Variants in DAPK2 observed in about 807,000 individuals in gnomAD.
DAPK2 encodes the protein death associated protein kinase 2.
A neutral mutation model predicts 44.1 loss-of-function variants in DAPK2; 35 were observed. That is an observed-to-expected ratio of 0.79 (90% CI 0.61 to 1.05). DAPK2 has a LOEUF of 1.05. Among genes scored for constraint, DAPK2 ranks in the 50% least tolerant of loss-of-function variants. The pLI, the probability that DAPK2 is intolerant of heterozygous loss-of-function variation, is 0.00. For synonymous variants in DAPK2, 174 were observed against 182.6 expected (o/e 0.95, Z 0.38); for missense variants, 453 against 483.2 (o/e 0.94, Z 0.59).
chr15:64,010,071 T>A (rs117809818), intron 1 of DAPK2, among the ~76,000 whole-genome samples: 4,495 of 152,268 alleles, frequency 0.03, 93 homozygotes, highest in South Asian at 0.065. Flanking sequence ...TATAAACCAG[T>A]GTTTCTCAAA....
At chr15:64,045,602 A>C (rs1042073880) in intron 1 of DAPK2, among the ~76,000 whole-genome samples, 2 of 152,150 alleles carry the variant, frequency 1.3e-5, no homozygotes, top group Non-Finnish European at 2.9e-5. Context: ...ACCTCTCTGG[A>C]CCTTGTTTTC....
intron 3 of DAPK2, among the ~76,000 whole-genome samples, chr15:63,962,405 C>T (rs897427518): frequency 2.0e-5 from 3 of 152,218 alleles, no homozygotes; most frequent in Non-Finnish European, 4.4e-5. Flanking sequence ...GAGCTGCGTT[C>T]CTTTGGAGGA....
intron 1 of DAPK2, among the ~76,000 whole-genome samples, chr15:64,017,919 A>G (rs912970476): frequency 6.6e-6 from 1 of 152,206 alleles, no homozygotes; most frequent in Non-Finnish European, 1.5e-5. Context: ...AACCTGCTCC[A>G]TAAAATTGCA....
intron 3 of DAPK2, among the ~76,000 whole-genome samples, chr15:63,948,500 A>G (rs2077508641): frequency 6.6e-6 from 1 of 152,080 alleles, no homozygotes. Context: ...AGAACTCACT[A>G]TCATGAGAAC....
chr15:64,010,839 G>A (rs983532192), intron 1 of DAPK2, among the ~76,000 whole-genome samples: 3 of 152,122 alleles, frequency 2.0e-5, no homozygotes, highest in Non-Finnish European at 4.4e-5. Context: ...AACAGCAGCC[G>A]AGCTTCCTGT....
intron 1 of DAPK2, among the ~76,000 whole-genome samples, chr15:64,028,517 TA>T (rs1346687830): frequency 2.0e-5 from 3 of 152,152 alleles, no homozygotes; most frequent in African/African-American, 7.2e-5. Flanking sequence ...AAAACTGCTA[TA>T]AAGAACACTA....
At chr15:63,979,919 A>T (rs958489803) in intron 2 of DAPK2, among the ~76,000 whole-genome samples, 1 of 143,436 alleles carries the variant, frequency 7.0e-6, no homozygotes, top group African/African-American at 2.7e-5. Context: ...CATCTCAAAA[A>T]ACAAACAAAC....
chr15:63,932,164 T>TA (rs1192270288), intron 4 of DAPK2, among the ~76,000 whole-genome samples: 1,649 of 107,518 alleles, frequency 0.015, 118 homozygotes, highest in African/African-American at 0.04. Context: ...GAGACCCTGT[T>TA]TAAAAAAAAA....
intron 1 of DAPK2, among the ~76,000 whole-genome samples, chr15:64,031,231 A>AT (rs1302145104): frequency 6.7e-6 from 1 of 148,400 alleles, no homozygotes; most frequent in Admixed American, 6.7e-5. Flanking sequence ...AGGAGGGCAG[A>AT]TTTTCTTTTT....
At chr15:63,999,636 G>T (rs1305454754) in intron 1 of DAPK2, among the ~76,000 whole-genome samples, 3 of 152,106 alleles carry the variant, frequency 2.0e-5, no homozygotes, top group Non-Finnish European at 4.4e-5. Context: ...AAGTAAAAAT[G>T]AGATTGCATA....
At chr15:63,930,361 C>T (rs2079503473) in intron 5 of DAPK2, 46 bp downstream of exon 6, 1 of 1,592,246 alleles carries the variant, frequency 6.3e-7, no homozygotes, top group Non-Finnish European at 8.6e-7. Flanking sequence ...AGGCCTTCCG[C>T]CCTTGGAAGG....
intron 3 of DAPK2, among the ~76,000 whole-genome samples, chr15:63,962,549 T>C (rs1411682311): frequency 6.6e-6 from 1 of 152,252 alleles, no homozygotes; most frequent in East Asian, 1.9e-4. Context: ...TTCTTTCTGT[T>C]TGTTAGTTTT....
chr15:63,941,635 T>TA (rs943214572), intron 3 of DAPK2, among the ~76,000 whole-genome samples: 70 of 151,342 alleles, frequency 4.6e-4, no homozygotes, highest in African/African-American at 1.7e-3. Context: ...TTCCTTTTTT[T>TA]AAAAAAAATA....
chr15:64,002,633 T>A (rs531493628), intron 1 of DAPK2, among the ~76,000 whole-genome samples: 2 of 152,318 alleles, frequency 1.3e-5, no homozygotes, highest in Admixed American at 1.3e-4. Flanking sequence ...GAGGCTCACA[T>A]AGCAATGCAA....
intron 8 of DAPK2, chr15:63,921,270 G>T (rs529505348): frequency 2.0e-5 from 3 of 152,222 alleles, no homozygotes; most frequent in African/African-American, 7.2e-5. Context: ...GGAGCCTGGC[G>T]CAGCCAGGGG....
chr15:64,022,640 A>G (rs4776749), intron 1 of DAPK2, among the ~76,000 whole-genome samples: 23,142 of 152,114 alleles, frequency 0.15, 2,920 homozygotes, highest in East Asian at 0.77. Flanking sequence ...ATATGGTGAG[A>G]TGCCGTCTCT....
At position 63,911,896 on chromosome 15, in the gene DAPK2, G is replaced by A. The variant is rs781298266; in HGVS notation, c.1032+12C>T. 253 of 1,612,196 alleles carry A rather than the reference G, an allele frequency of 1.6e-4. No homozygotes were observed. The highest frequency in any genetic ancestry group is 2.0e-4 in the Non-Finnish European group (238 of 1,179,322). ...AGAATTCTGCCCAAGAAGAGGGCATGCATTTACCCACCAGGTCCTCATCCG... is the reference window on the plus strand; with the variant it reads ...AGAATTCTGCCCAAGAAGAGGGCATACATTTACCCACCAGGTCCTCATCCG... On this transcript the variant is annotated intron_variant, in intron 10 of 10. Transcript: ENST00000261891.
rs764926615 is a variant in DAPK2, at chr15:64,040,190, G to A, written c.72C>T (p.Asp24=). 10 of 1,613,758 alleles carry A rather than the reference G, an allele frequency of 6.2e-6. No homozygotes were observed. In the African/African-American group the frequency reaches 1.3e-4, roughly 22 times the overall value. The change falls in exon 1 of 11, where the codon GAC becomes GAT. Residue 24 remains aspartate, a synonymous_variant. Transcript: ENST00000261891. Reference sequence around the variant, plus strand: ...CCTACCTCCCCAGCTCCTCTCCGATGTCATAAAAGTCCTCCACCTTCTGCT... The same window carrying A: ...CCTACCTCCCCAGCTCCTCTCCGATATCATAAAAGTCCTCCACCTTCTGCT...
chr15:64,001,081 T>C (rs1232990679), intron 1 of DAPK2, among the ~76,000 whole-genome samples: 1 of 152,006 alleles, frequency 6.6e-6, no homozygotes, highest in Non-Finnish European at 1.5e-5. Context: ...GGTTTCACCA[T>C]GTTGGCCAGG....
Sources: allele counts gnomAD v4.1 joint callset (sites outside exome capture counted in the v4.1 genomes callset), GRCh38; gene constraint gnomAD v4.1.1; transcripts MANE v1.5; gene names NCBI Gene and HGNC (gene_info 2026-07-23, HGNC 2026-07-21).